CDH12: variants seen among roughly 807,000 people sequenced by gnomAD.
CDH12 encodes the protein cadherin-12.
In CDH12, 41 loss-of-function variants were observed where a neutral mutation model predicts 74.1. That is an observed-to-expected ratio of 0.55 (90% CI 0.43 to 0.72). The LOEUF (loss-of-function observed/expected upper bound fraction) is 0.72. Among genes scored for constraint, CDH12 ranks in the 30% least tolerant of loss-of-function variants. The probability of loss-of-function intolerance (pLI) is 0.00; values close to 1 mark genes in which losing one functional copy is unlikely to be tolerated. For missense variants in CDH12, 945 were observed against 977.2 expected (o/e 0.97, Z 0.44); for synonymous variants, 399 against 355.0 (o/e 1.12, Z -1.39).
chr5:22,656,819 A>G (rs1432687533), intron 1 of CDH12, among the ~76,000 whole-genome samples: 1 of 152,182 alleles, frequency 6.6e-6, no homozygotes, highest in East Asian at 1.9e-4. Context: ...ATACATTTTT[A>G]TCTTCTTTGT....
At chr5:22,679,715 C>G (rs1294675995) in intron 1 of CDH12, among the ~76,000 whole-genome samples, 1 of 151,956 alleles carries the variant, frequency 6.6e-6, no homozygotes, top group Non-Finnish European at 1.5e-5. Flanking sequence ...TCATCATTTG[C>G]CCTTCTATTC....
At chr5:22,291,201 T>C (rs1737373619) in intron 3 of CDH12, among the ~76,000 whole-genome samples, 1 of 152,106 alleles carries the variant, frequency 6.6e-6, no homozygotes, top group African/African-American at 2.4e-5. Context: ...GCAAATTAGA[T>C]ATAAAATAAA....
At chr5:21,760,899 A>G (rs1744683774) in intron 12 of CDH12, among the ~76,000 whole-genome samples, 1 of 152,172 alleles carries the variant, frequency 6.6e-6, no homozygotes, top group African/African-American at 2.4e-5. Flanking sequence ...TTTCAAATTG[A>G]TACCTGCGTA....
At chr5:22,270,017 G>T (rs1375691785) in intron 3 of CDH12, among the ~76,000 whole-genome samples, 3 of 152,076 alleles carry the variant, frequency 2.0e-5, no homozygotes, top group Non-Finnish European at 4.4e-5. Context: ...TTTTAAAGTA[G>T]CTTTTTCATG....
intron 3 of CDH12, among the ~76,000 whole-genome samples, chr5:22,290,603 C>T (rs1737342060): frequency 6.6e-6 from 1 of 151,686 alleles, no homozygotes; most frequent in Non-Finnish European, 1.5e-5. Flanking sequence ...CAGAGAAGAA[C>T]AAAGAAAAAG....
At chr5:22,110,598 T>C (rs1268320527) in intron 4 of CDH12, among the ~76,000 whole-genome samples, 2 of 152,012 alleles carry the variant, frequency 1.3e-5, no homozygotes, top group Admixed American at 1.3e-4. Context: ...GAGTGTTTGG[T>C]GGGTCCAGAT....
At chr5:22,745,312 G>C (rs1289462641) in intron 1 of CDH12, among the ~76,000 whole-genome samples, 3 of 151,788 alleles carry the variant, frequency 2.0e-5, no homozygotes, top group Non-Finnish European at 4.4e-5. Flanking sequence ...AGATCACCTT[G>C]GGAAGATTTG....
intron 1 of CDH12, among the ~76,000 whole-genome samples, chr5:22,616,258 C>A (rs1444690781): frequency 6.6e-6 from 1 of 151,998 alleles, no homozygotes; most frequent in East Asian, 1.9e-4. Flanking sequence ...CTGTAATTCT[C>A]AATTGTTTCT....
chr5:22,419,028 G>A (rs1188587403), intron 2 of CDH12, among the ~76,000 whole-genome samples: 1 of 152,112 alleles, frequency 6.6e-6, no homozygotes, highest in African/African-American at 2.4e-5. Context: ...AGATAATCAT[G>A]TGGTTTTTGT....
chr5:21,931,268 A>G lies in CDH12; in HGVS notation c.526+43823T>C, dbSNP rs545530425. On this transcript the variant is annotated intron_variant, in intron 6 of 14. Transcript: ENST00000382254. Reference sequence around the variant, plus strand: ...GATAGAGGAAAAAAAAGCTAAGAAGAGAATAGAAAAAAAAATAGAACATTT... The same window carrying G: ...GATAGAGGAAAAAAAAGCTAAGAAGGGAATAGAAAAAAAAATAGAACATTT... Among the ~76,000 whole-genome samples the G allele has an allele frequency of 9.9e-5, 15 of 152,262 alleles. No homozygotes were observed. In the South Asian group the frequency reaches 3.1e-3, roughly 32 times the overall value.
intron 2 of CDH12, among the ~76,000 whole-genome samples, chr5:22,460,289 A>G (rs887962513): frequency 2.0e-5 from 3 of 152,146 alleles, no homozygotes; most frequent in African/African-American, 7.2e-5. Context: ...ACAGTCCCAG[A>G]CTTATTCATC....
chr5:22,200,620 T>C (rs1750875750), intron 4 of CDH12, among the ~76,000 whole-genome samples: 1 of 152,178 alleles, frequency 6.6e-6, no homozygotes, highest in Non-Finnish European at 1.5e-5. Context: ...ATGATAAGTG[T>C]TTTGAACTAA....
intron 1 of CDH12, among the ~76,000 whole-genome samples, chr5:22,606,477 A>G (rs1426901536): frequency 6.6e-6 from 1 of 152,126 alleles, no homozygotes; most frequent in Non-Finnish European, 1.5e-5. Flanking sequence ...GTTTTCTGCT[A>G]TGCTGTTCTC....
chr5:22,065,567 T>C (rs1741500229), intron 5 of CDH12, among the ~76,000 whole-genome samples: 1 of 152,114 alleles, frequency 6.6e-6, no homozygotes, highest in Non-Finnish European at 1.5e-5. Flanking sequence ...GGGACATTGG[T>C]AACGCTAGAA....
intron 1 of CDH12, among the ~76,000 whole-genome samples, chr5:22,774,789 C>T (rs1346785600): frequency 6.6e-6 from 1 of 151,968 alleles, no homozygotes; most frequent in Non-Finnish European, 1.5e-5. Flanking sequence ...ACTAATACAA[C>T]ATGAACATAA....
intron 1 of CDH12, among the ~76,000 whole-genome samples, chr5:22,676,828 G>C (rs1052051058): frequency 6.6e-6 from 1 of 151,896 alleles, no homozygotes; most frequent in African/African-American, 2.4e-5. Flanking sequence ...CTTCTTTGAG[G>C]GGGAAAACAA....
chr5:22,283,229 T>TATATATATAGATAG (rs1736979134), intron 3 of CDH12, among the ~76,000 whole-genome samples: 1 of 39,444 alleles, frequency 2.5e-5, no homozygotes, highest in African/African-American at 8.6e-5. Context: ...TATATATATA[T>TATATATATAGATAG]ATATATATAT....
chr5:22,543,805 CACTT>C (rs1738201521), intron 1 of CDH12, among the ~76,000 whole-genome samples: 1 of 152,150 alleles, frequency 6.6e-6, no homozygotes, highest in Non-Finnish European at 1.5e-5. Flanking sequence ...GGTCCCAAGA[CACTT>C]ACTCTCTGTA....
chr5:22,577,595 A>G (rs1739857235), intron 1 of CDH12, among the ~76,000 whole-genome samples: 1 of 152,196 alleles, frequency 6.6e-6, no homozygotes, highest in South Asian at 2.1e-4. Flanking sequence ...AACTAGATAA[A>G]GTGTAAACAA....
Sources: gnomAD v4.1 joint callset for allele counts (sites outside exome capture counted in the v4.1 genomes callset) on GRCh38, gnomAD v4.1.1 for gene constraint, MANE v1.5 for transcripts, NCBI Gene and HGNC (gene_info 2026-07-23, HGNC 2026-07-21) for gene names.